Variants in SOX5 observed in about 807,000 individuals in gnomAD.
The protein encoded by SOX5 is transcription factor SOX-5.
Under a neutral mutation model 92.0 loss-of-function variants are expected in SOX5, and 9 were observed. The ratio of observed to expected loss-of-function variants is 0.10; its 90% confidence interval spans 0.06 to 0.17. The LOEUF (loss-of-function observed/expected upper bound fraction) is 0.17, where lower values mean the gene tolerates loss of function less well. Ranked by LOEUF, SOX5 falls within the 10% of genes least tolerant of loss-of-function variation. The pLI is 1.00. For synonymous variants in SOX5, 344 were observed against 336.3 expected (o/e 1.02, Z -0.25); for missense variants, 642 against 944.5 (o/e 0.68, Z 4.20).
intron 3 of SOX5, chr12:24,238,092 G>A (rs1419735828): frequency 2.0e-5 from 3 of 152,132 alleles, no homozygotes; most frequent in Non-Finnish European, 2.9e-5. Flanking sequence ...CTTACTTTTA[G>A]ACTCCTTCTA....
chr12:23,966,675 T>G (rs1402831697), intron 4 of SOX5, among the ~76,000 whole-genome samples: 1 of 152,200 alleles, frequency 6.6e-6, no homozygotes, highest in African/African-American at 2.4e-5. Flanking sequence ...GTTCAAATTC[T>G]AGTTCTGACC....
At chr12:24,142,147 C>A (rs1178953025) in intron 4 of SOX5, among the ~76,000 whole-genome samples, 1 of 152,084 alleles carries the variant, frequency 6.6e-6, no homozygotes, top group East Asian at 1.9e-4. Flanking sequence ...GGTAGGTTTC[C>A]CCAGAAACAG....
chr12:24,125,329 A>G (rs1565485424), intron 4 of SOX5, among the ~76,000 whole-genome samples: 1 of 152,068 alleles, frequency 6.6e-6, no homozygotes, highest in African/African-American at 2.4e-5. Context: ...CTGAATCCCA[A>G]TCACTCCCAC....
At chr12:24,148,503 AAGAGAG>A (rs1276614612) in intron 4 of SOX5, among the ~76,000 whole-genome samples, 1 of 95,502 alleles carries the variant, frequency 1.0e-5, no homozygotes, top group African/African-American at 3.9e-5. Context: ...AAAAAAAAAA[AAGAGAG>A]AGAGAGAGAG....
At chr12:24,167,576 C>G (rs901164842) in intron 4 of SOX5, among the ~76,000 whole-genome samples, 3 of 152,160 alleles carry the variant, frequency 2.0e-5, no homozygotes, top group African/African-American at 7.2e-5. Flanking sequence ...CTGCCACATT[C>G]TAAGAATTCT....
At chr12:24,381,270 A>G (rs1015052971) in intron 1 of SOX5, among the ~76,000 whole-genome samples, 5 of 152,238 alleles carry the variant, frequency 3.3e-5, no homozygotes, top group African/African-American at 7.2e-5. Flanking sequence ...TTAAATATGT[A>G]TATTTACTTT....
intron 1 of SOX5, among the ~76,000 whole-genome samples, chr12:24,507,957 T>C (rs1206792286): frequency 4.6e-5 from 7 of 152,120 alleles, no homozygotes; most frequent in African/African-American, 1.4e-4. Context: ...TGAGATGCTA[T>C]GTACCAGGCA....
At chr12:24,051,599 A>T (rs548220893) in intron 4 of SOX5, among the ~76,000 whole-genome samples, 3 of 152,304 alleles carry the variant, frequency 2.0e-5, no homozygotes, top group East Asian at 3.9e-4. Context: ...AACAGAAAAA[A>T]TCCACAAGAA....
At chr12:24,354,899 A>G (rs1022966880) in intron 2 of SOX5, among the ~76,000 whole-genome samples, 2 of 152,146 alleles carry the variant, frequency 1.3e-5, no homozygotes, top group African/African-American at 4.8e-5. Context: ...CTTAAATCAA[A>G]CTGGGGATGA....
chr12:24,300,755 G>A (rs1947855863), intron 2 of SOX5, among the ~76,000 whole-genome samples: 1 of 152,152 alleles, frequency 6.6e-6, no homozygotes, highest in South Asian at 2.1e-4. Flanking sequence ...GTAGCTGATA[G>A]TCTACACGTC....
intron 5 of SOX5, among the ~76,000 whole-genome samples, chr12:23,737,617 G>A (rs1472657923): frequency 6.6e-6 from 1 of 152,126 alleles, no homozygotes; most frequent in Admixed American, 6.5e-5. Flanking sequence ...CAAAAAGCCG[G>A]TGTACATATA....
rs762130937 is a variant in SOX5 at position 23,740,840 on chromosome 12, A to T, written c.741+27T>A. 8.2e-6 allele frequency: 13 copies of T among 1,585,318 alleles called. No homozygotes were observed. In the East Asian group the frequency reaches 2.5e-4, roughly 30 times the overall value. On this transcript the variant is annotated intron_variant, in intron 5 of 14. Coordinates refer to ENST00000451604, the MANE Select transcript of SOX5 (RefSeq NM_006940.6). The stretch of plus-strand genomic sequence containing the variant: ...GCAGGCAAAGTAATGTCTGAGGAAT[A>T]TGACTGCATCGCTAGTTCTTACTCA...
In SOX5 at chr12:23,614,391, C is replaced by T. The variant is rs975346419; in HGVS notation, c.1018-9858G>A. ...TGAGGTAAAGCTATTTTGTTGTCCC[C>T]ACTACTGGGGCAATGCTGGAAGAGA... On this transcript the variant is annotated intron_variant, in intron 8 of 14. Transcript: ENST00000451604. 5.9e-5 allele frequency among the ~76,000 whole-genome samples: 9 copies of T among 152,160 alleles called. No individual in the cohort carries two copies. In the East Asian group the frequency reaches 7.7e-4, roughly 13 times the overall value.
intron 9 of SOX5, among the ~76,000 whole-genome samples, chr12:23,597,416 C>T (rs1952657202): frequency 6.6e-6 from 1 of 152,066 alleles, no homozygotes; most frequent in Admixed American, 6.6e-5. Context: ...CCACAGAGCC[C>T]AGAAAAGCCT....
At chr12:23,910,203 T>C (rs1246057882) in intron 1 of SOX5, among the ~76,000 whole-genome samples, 2 of 152,160 alleles carry the variant, frequency 1.3e-5, no homozygotes, top group African/African-American at 2.4e-5. Flanking sequence ...GCACATATAA[T>C]AGAGGTAGAA....
At chr12:23,937,660 G>T (rs1942872852) in intron 1 of SOX5, among the ~76,000 whole-genome samples, 1 of 150,748 alleles carries the variant, frequency 6.6e-6, no homozygotes, top group Non-Finnish European at 1.5e-5. Context: ...GTGTTGTCTG[G>T]TATTATTTAA....
chr12:23,566,376 T>C (rs1476234470), intron 10 of SOX5, among the ~76,000 whole-genome samples: 4 of 152,208 alleles, frequency 2.6e-5, no homozygotes, highest in African/African-American at 9.6e-5. Flanking sequence ...CTGTTGCAAT[T>C]GGTCTCTAGT....
intron 4 of SOX5, among the ~76,000 whole-genome samples, chr12:24,184,043 C>T (rs1955781137): frequency 6.6e-6 from 1 of 152,068 alleles, no homozygotes; most frequent in Non-Finnish European, 1.5e-5. Context: ...TGTTCAAAAG[C>T]TTTAATTATA....
intron 7 of SOX5, among the ~76,000 whole-genome samples, chr12:23,663,678 T>C (rs1316015210): frequency 2.6e-5 from 4 of 152,132 alleles, no homozygotes; most frequent in African/African-American, 9.7e-5. Flanking sequence ...ATGTATTTAA[T>C]GTGAACAGTA....
Sources: gnomAD v4.1 joint callset for allele counts (sites outside exome capture counted in the v4.1 genomes callset) on GRCh38, gnomAD v4.1.1 for gene constraint, MANE v1.5 for transcripts, NCBI Gene and HGNC (gene_info 2026-07-23, HGNC 2026-07-21) for gene names.